Variants in MCTP1 observed in about 807,000 individuals in gnomAD.
MCTP1 encodes the protein multiple C2 and transmembrane domain-containing protein 1.
Under a neutral mutation model 120.6 loss-of-function variants are expected in MCTP1, and 69 were observed. The observed-to-expected ratio is 0.57, with a 90% confidence interval of 0.47 to 0.70. The LOEUF (loss-of-function observed/expected upper bound fraction) is 0.70, where lower values mean the gene tolerates loss of function less well. Among genes scored for constraint, MCTP1 ranks in the 30% least tolerant of loss-of-function variants. The probability of loss-of-function intolerance (pLI) is 0.00; values close to 1 mark genes in which losing one functional copy is unlikely to be tolerated. For missense variants in MCTP1, 1,203 were observed against 1,248.8 expected (o/e 0.96, Z 0.55); for synonymous variants, 529 against 493.1 (o/e 1.07, Z -0.96).
intron 2 of MCTP1, among the ~76,000 whole-genome samples, chr5:95,000,729 T>C (rs965204554): frequency 2.6e-5 from 4 of 152,180 alleles, no homozygotes; most frequent in African/African-American, 9.7e-5. Flanking sequence ...TAAAAAAGAT[T>C]ACAATGAGCA....
chr5:95,092,380 G>T (rs1755912559), intron 1 of MCTP1, among the ~76,000 whole-genome samples: 2 of 152,190 alleles, frequency 1.3e-5, no homozygotes, highest in South Asian at 4.1e-4. Context: ...ATAGCCAGAG[G>T]TTAACAGATA....
intron 21 of MCTP1, chr5:94,710,585 C>T: frequency 2.5e-6 from 1 of 404,808 alleles, no homozygotes; most frequent in South Asian, 4.3e-5. Flanking sequence ...ATCTGCACAA[C>T]TAACATGTTT....
Position 94,708,681 on chromosome 5 carries a change from G to T in MCTP1, c.2831-72C>A, listed in dbSNP as rs1410469493. The T allele has an allele frequency of 8.5e-6, 8 of 941,446 alleles. No individual in the cohort carries two copies. In the Admixed American group the frequency reaches 1.3e-4, roughly 15 times the overall value. 58.3% of individuals were successfully genotyped at this position (941,446 alleles called of 1,614,324 possible). A position where few individuals can be genotyped will look rare whatever the true frequency, so the allele number is the denominator to read the frequency against. ...TTGTAGTAATTTGAAGATCTAACTT[G>T]TATGCCTTGACTCAATGAACCAATA... is the stretch of plus-strand genomic sequence containing the variant. On this transcript the variant is annotated intron_variant, in intron 21 of 22. Transcript: ENST00000515393.
intron 1 of MCTP1, among the ~76,000 whole-genome samples, chr5:95,076,174 A>G (rs1753510078): frequency 6.6e-6 from 1 of 151,096 alleles, no homozygotes; most frequent in Non-Finnish European, 1.5e-5. Flanking sequence ...TTATAATGAT[A>G]TATTATGATA....
At chr5:95,179,224 A>C (rs1023993838) in intron 1 of MCTP1, among the ~76,000 whole-genome samples, 1 of 152,238 alleles carries the variant, frequency 6.6e-6, no homozygotes, top group East Asian at 1.9e-4. Flanking sequence ...GTTCCTGAGG[A>C]AGAAGAGAAA....
intron 17 of MCTP1, among the ~76,000 whole-genome samples, chr5:94,859,770 A>G (rs1255651694): frequency 1.3e-5 from 2 of 151,692 alleles, no homozygotes; most frequent in African/African-American, 2.4e-5. Flanking sequence ...TCAAAATATA[A>G]CACTTCTCGT....
intron 5 of MCTP1, 84 bp from the exon 6 acceptor site, chr5:94,932,075 AT>A: frequency 1.1e-6 from 1 of 934,738 alleles, no homozygotes; most frequent in Non-Finnish European, 1.7e-6. Flanking sequence ...GGAAACATTT[AT>A]TAGCCCTTGA....
intron 1 of MCTP1, among the ~76,000 whole-genome samples, chr5:95,273,011 G>A (rs1042728997): frequency 1.3e-5 from 2 of 152,230 alleles, no homozygotes; most frequent in African/African-American, 4.8e-5. Flanking sequence ...GAAGAAAAGA[G>A]AAGGTGCAGC....
intron 18 of MCTP1, among the ~76,000 whole-genome samples, chr5:94,780,459 T>C (rs949882046): frequency 2.6e-5 from 4 of 151,726 alleles, no homozygotes; most frequent in Non-Finnish European, 4.4e-5. Flanking sequence ...CCAGGTCTCA[T>C]GAACGAATAT....
chr5:94,720,492 A>G (rs1245728141), intron 19 of MCTP1, among the ~76,000 whole-genome samples: 1 of 152,206 alleles, frequency 6.6e-6, no homozygotes, highest in Non-Finnish European at 1.5e-5. Context: ...CAATTGATAG[A>G]TTATGAAATC....
chr5:95,235,442 C>A (rs868536140), intron 1 of MCTP1, among the ~76,000 whole-genome samples: 1 of 151,898 alleles, frequency 6.6e-6, no homozygotes, highest in Middle Eastern at 3.4e-3. Context: ...CAATATTTTT[C>A]TGGAAGTTTA....
At chr5:95,136,367 G>A (rs1759445198) in intron 1 of MCTP1, among the ~76,000 whole-genome samples, 2 of 152,180 alleles carry the variant, frequency 1.3e-5, no homozygotes, top group African/African-American at 4.8e-5. Flanking sequence ...TATTCATTCA[G>A]GAAGGGTTCA....
chr5:94,906,652 TA>T (rs1227118464), intron 10 of MCTP1, among the ~76,000 whole-genome samples: 1 of 152,168 alleles, frequency 6.6e-6, no homozygotes, highest in Non-Finnish European at 1.5e-5. Context: ...AAATATATTT[TA>T]AAAAATCATT....
intron 1 of MCTP1, among the ~76,000 whole-genome samples, chr5:95,134,947 G>T (rs945848447): frequency 8.5e-6 from 1 of 118,092 alleles, no homozygotes; most frequent in East Asian, 2.9e-4. Flanking sequence ...CAACCTCTAA[G>T]TTCCATTGCT....
At chr5:94,923,157 AG>A in intron 7 of MCTP1, among the ~76,000 whole-genome samples, 1 of 152,338 alleles carries the variant, frequency 6.6e-6, no homozygotes, top group African/African-American at 2.4e-5. Flanking sequence ...TAAAGAAAAA[AG>A]GTAGTTTTCA....
intron 2 of MCTP1, among the ~76,000 whole-genome samples, chr5:94,984,920 T>C (rs1428576537): frequency 6.6e-6 from 1 of 152,208 alleles, no homozygotes. Context: ...TAGAAGATGA[T>C]TAAATCACAC....
At chr5:95,212,444 A>G (rs1052709932) in intron 1 of MCTP1, among the ~76,000 whole-genome samples, 2 of 152,114 alleles carry the variant, frequency 1.3e-5, no homozygotes, top group South Asian at 2.1e-4. Flanking sequence ...ACAAGGAGGA[A>G]CTGGTACCAT....
intron 18 of MCTP1, among the ~76,000 whole-genome samples, chr5:94,795,362 TGAA>T (rs1289825337): frequency 6.6e-6 from 1 of 152,122 alleles, no homozygotes; most frequent in African/African-American, 2.4e-5. Flanking sequence ...AATGACATGG[TGAA>T]TATAAAGTAC....
chr5:94,822,662 T>G (rs1230384747), intron 17 of MCTP1, among the ~76,000 whole-genome samples: 1 of 152,170 alleles, frequency 6.6e-6, no homozygotes, highest in African/African-American at 2.4e-5. Flanking sequence ...TTGAACTAAT[T>G]TACACTCCCA....
Sources: gnomAD v4.1 joint callset for allele counts (sites outside exome capture counted in the v4.1 genomes callset) on GRCh38, gnomAD v4.1.1 for gene constraint, MANE v1.5 for transcripts, NCBI Gene and HGNC (gene_info 2026-07-23, HGNC 2026-07-21) for gene names.